ENTREP2: variants seen among roughly 807,000 people sequenced by gnomAD.
The protein encoded by ENTREP2 is protein ENTREP2.
the ENTREP2 span, among the ~76,000 whole-genome samples, chr15:29,475,610 G>A: frequency 1.3e-5 from 2 of 152,166 alleles, no homozygotes; most frequent in Non-Finnish European, 2.9e-5. Context: ...CAAAAGGAAG[G>A]GGACACCAAG....
chr15:29,340,812 C>T, the ENTREP2 span, among the ~76,000 whole-genome samples: 1 of 152,178 alleles, frequency 6.6e-6, no homozygotes, highest in East Asian at 1.9e-4. Context: ...GTCCCAAACC[C>T]CTTCAAGAAG....
chr15:29,613,453 G>C, the ENTREP2 span: 1 of 444,300 alleles, frequency 2.3e-6, no homozygotes, highest in African/African-American at 2.1e-5. Flanking sequence ...GAGGGCACAG[G>C]CTCTGGAATG....
chr15:29,323,461 T>C, the ENTREP2 span, among the ~76,000 whole-genome samples: 3 of 152,176 alleles, frequency 2.0e-5, no homozygotes, highest in African/African-American at 7.2e-5. Flanking sequence ...TATCTTACCC[T>C]ATACATCTCC....
the ENTREP2 span, among the ~76,000 whole-genome samples, chr15:29,480,338 C>CAA: frequency 0.012 from 350 of 29,418 alleles, 43 homozygotes; most frequent in Admixed American, 0.016. Context: ...TTCACTATAG[C>CAA]AAAAAAAAAA....
At chr15:29,583,439 G>A in the ENTREP2 span, among the ~76,000 whole-genome samples, 1 of 152,136 alleles carries the variant, frequency 6.6e-6, no homozygotes, top group African/African-American at 2.4e-5. Context: ...GCTGAACAAT[G>A]AGAACACATG....
At chr15:29,182,119 A>G in the ENTREP2 span, among the ~76,000 whole-genome samples, 6 of 151,962 alleles carry the variant, frequency 3.9e-5, no homozygotes, top group Non-Finnish European at 7.4e-5. Flanking sequence ...TTTAAAGTAA[A>G]AAAAAGAATT....
the ENTREP2 span, among the ~76,000 whole-genome samples, chr15:29,516,802 A>C: frequency 6.6e-6 from 1 of 152,130 alleles, no homozygotes; most frequent in African/African-American, 2.4e-5. Context: ...CAACATATGG[A>C]TCTCCAGGCA....
the ENTREP2 span, among the ~76,000 whole-genome samples, chr15:29,411,625 T>G: frequency 2.0e-5 from 3 of 152,262 alleles, no homozygotes; most frequent in Non-Finnish European, 4.4e-5. Context: ...GTTGTGTTTT[T>G]GCTTTCTTCG....
At chr15:29,586,711 T>C in the ENTREP2 span, among the ~76,000 whole-genome samples, 2 of 150,334 alleles carry the variant, frequency 1.3e-5, no homozygotes, top group Non-Finnish European at 3.0e-5. Context: ...ATTGCACCAC[T>C]GCACTCCAGC....
chr15:29,165,823 A>G, the ENTREP2 span, among the ~76,000 whole-genome samples: 1 of 152,204 alleles, frequency 6.6e-6, no homozygotes, highest in Admixed American at 6.5e-5. Context: ...TCATTCTATG[A>G]AGCCAGCATC....
At chr15:29,419,517 C>G in the ENTREP2 span, among the ~76,000 whole-genome samples, 1 of 152,126 alleles carries the variant, frequency 6.6e-6, no homozygotes, top group African/African-American at 2.4e-5. Flanking sequence ...GTATGTGATT[C>G]AAGTCCCATT....
chr15:29,649,328 T>C, the ENTREP2 span, among the ~76,000 whole-genome samples: 2 of 152,222 alleles, frequency 1.3e-5, no homozygotes, highest in Non-Finnish European at 2.9e-5. Context: ...TTCTCCTTGT[T>C]CTTAGGAGTT....
the ENTREP2 span, among the ~76,000 whole-genome samples, chr15:29,216,617 G>GTCATTTTGTT: frequency 6.6e-6 from 1 of 152,086 alleles, no homozygotes; most frequent in Non-Finnish European, 1.5e-5. Context: ...CTTAGGGTTG[G>GTCATTTTGTT]TCATTTTGTT....
the ENTREP2 span, among the ~76,000 whole-genome samples, chr15:29,484,807 T>C: frequency 1.3e-5 from 2 of 152,194 alleles, no homozygotes; most frequent in Non-Finnish European, 2.9e-5. Flanking sequence ...AGTCACAAAG[T>C]ATCTATTGAC....
chr15:29,582,891 C>A, the ENTREP2 span, among the ~76,000 whole-genome samples: 77,265 of 151,896 alleles, frequency 0.51, 21,918 homozygotes, highest in Non-Finnish European at 0.65. Flanking sequence ...ACCTCATGAC[C>A]CGCCCCATTG....
At chr15:29,484,848 C>T in the ENTREP2 span, among the ~76,000 whole-genome samples, 5 of 152,034 alleles carry the variant, frequency 3.3e-5, no homozygotes, top group African/African-American at 9.7e-5. Flanking sequence ...TTTAAAAGCA[C>T]GTATTATCAT....
chr15:29,496,675 A>G, the ENTREP2 span, among the ~76,000 whole-genome samples: 1 of 152,212 alleles, frequency 6.6e-6, no homozygotes, highest in Non-Finnish European at 1.5e-5. Flanking sequence ...AGATAATCAT[A>G]TAATTTTTGT....
chr15:29,327,602 A>AG, the ENTREP2 span, among the ~76,000 whole-genome samples: 1 of 152,048 alleles, frequency 6.6e-6, no homozygotes, highest in African/African-American at 2.4e-5. Context: ...CTCAAAAAAA[A>AG]AAAAAAAAGA....
At chr15:29,342,087 C>A in the ENTREP2 span, among the ~76,000 whole-genome samples, 5 of 152,128 alleles carry the variant, frequency 3.3e-5, no homozygotes, top group South Asian at 8.3e-4. Flanking sequence ...AGATTCCAAC[C>A]CTTGGCCAGG....
Sources: allele counts gnomAD v4.1 joint callset (sites outside exome capture counted in the v4.1 genomes callset), GRCh38; gene constraint gnomAD v4.1.1; transcripts MANE v1.5; gene names NCBI Gene and HGNC (gene_info 2026-07-23, HGNC 2026-07-21).